Variants in ZFHX3 observed in about 807,000 individuals in gnomAD.
ZFHX3 encodes zinc finger homeobox protein 3.
Under a neutral mutation model 279.1 loss-of-function variants are expected in ZFHX3, and 42 were observed. The observed-to-expected ratio is 0.15, with a 90% CI of 0.12 to 0.19. The LOEUF is 0.19. ZFHX3 is among the 10% of genes least tolerant of loss of function. The pLI is 1.00. For synonymous variants in ZFHX3, 2,293 were observed against 1,957.8 expected (o/e 1.17, Z -4.52); for missense variants, 4,981 against 4,754.0 (o/e 1.05, Z -1.40).
intron 2 of ZFHX3, among the ~76,000 whole-genome samples, chr16:73,654,273 T>C (rs2052700753): frequency 6.6e-6 from 1 of 151,984 alleles, no homozygotes; most frequent in South Asian, 2.1e-4. Flanking sequence ...TTAACAAAAT[T>C]GGCTAGATAC....
At chr16:73,106,764 T>C (rs566370709) in intron 7 of ZFHX3, among the ~76,000 whole-genome samples, 6 of 152,304 alleles carry the variant, frequency 3.9e-5, no homozygotes, top group African/African-American at 1.4e-4. Flanking sequence ...AAAACATTTG[T>C]CAACTATCAA....
At chr16:73,008,926 GT>G (rs1369081231) in intron 1 of ZFHX3, among the ~76,000 whole-genome samples, 1 of 151,870 alleles carries the variant, frequency 6.6e-6, no homozygotes, top group East Asian at 1.9e-4. Flanking sequence ...GTGTGTGTGT[GT>G]GTGTGTGTGT....
chr16:73,539,646 A>G (rs1290591888), intron 2 of ZFHX3, among the ~76,000 whole-genome samples: 1 of 151,954 alleles, frequency 6.6e-6, no homozygotes, highest in East Asian at 1.9e-4. Context: ...ATAAAAGAAG[A>G]AGGGCGCACA....
At chr16:73,071,658 C>G (rs1965828782) in intron 8 of ZFHX3, among the ~76,000 whole-genome samples, 1 of 152,218 alleles carries the variant, frequency 6.6e-6, no homozygotes, top group Non-Finnish European at 1.5e-5. Context: ...TAGGAAGAAC[C>G]AGCAGGCAGG....
chr16:73,680,307 G>A (rs1448166926), intron 1 of ZFHX3: 2 of 152,040 alleles, frequency 1.3e-5, no homozygotes, highest in Admixed American at 6.6e-5. Flanking sequence ...ATGATCAAAG[G>A]CAATTGAAAA....
At chr16:73,766,826 C>G (rs1369435981) in intron 1 of ZFHX3, among the ~76,000 whole-genome samples, 1 of 151,946 alleles carries the variant, frequency 6.6e-6, no homozygotes, top group Non-Finnish European at 1.5e-5. Flanking sequence ...ATGATCTGAT[C>G]TGAGAAAAGT....
chr16:72,925,231 C>A (rs1196636481), intron 3 of ZFHX3, among the ~76,000 whole-genome samples: 2 of 152,246 alleles, frequency 1.3e-5, no homozygotes, highest in Non-Finnish European at 2.9e-5. Flanking sequence ...TCTTCCCCCA[C>A]TTCCCAGAAG....
chr16:73,856,249 G>A (rs1434224685), intron 1 of ZFHX3, among the ~76,000 whole-genome samples: 1 of 152,050 alleles, frequency 6.6e-6, no homozygotes, highest in Non-Finnish European at 1.5e-5. Context: ...TATTTTGTGT[G>A]CTATTCCATA....
At chr16:73,766,335 C>T (rs765900726) in intron 1 of ZFHX3, among the ~76,000 whole-genome samples, 18 of 152,094 alleles carry the variant, frequency 1.2e-4, no homozygotes, top group East Asian at 1.9e-4. Flanking sequence ...GTTTCTTCTG[C>T]GAAATAAATG....
chr16:73,436,656 A>T (rs1437337750), intron 3 of ZFHX3, among the ~76,000 whole-genome samples: 1 of 152,024 alleles, frequency 6.6e-6, no homozygotes, highest in Non-Finnish European at 1.5e-5. Flanking sequence ...CAGGGTTATC[A>T]AGAAGCCATG....
At chr16:73,781,789 C>T (rs1032243590) in intron 1 of ZFHX3, among the ~76,000 whole-genome samples, 2 of 152,080 alleles carry the variant, frequency 1.3e-5, no homozygotes, top group Admixed American at 1.3e-4. Context: ...GAGTTTGAGA[C>T]CAGCCTGACC....
intron 3 of ZFHX3, among the ~76,000 whole-genome samples, chr16:73,416,693 G>A (rs916477026): frequency 2.0e-5 from 3 of 152,044 alleles, no homozygotes; most frequent in African/African-American, 7.2e-5. Context: ...CTAACATGGT[G>A]AAACCCCCGT....
intron 7 of ZFHX3, among the ~76,000 whole-genome samples, chr16:73,098,300 C>G (rs1362046239): frequency 6.6e-6 from 1 of 152,118 alleles, no homozygotes; most frequent in East Asian, 1.9e-4. Context: ...GAACTCCTGA[C>G]CTCGTGATCC....
intron 3 of ZFHX3, among the ~76,000 whole-genome samples, chr16:72,945,303 C>A (rs1227627075): frequency 6.6e-6 from 1 of 152,134 alleles, no homozygotes; most frequent in African/African-American, 2.4e-5. Context: ...ACAAGCCCTG[C>A]CCCCCAAACT....
At chr16:73,340,519 G>C (rs1178564068) in intron 3 of ZFHX3, among the ~76,000 whole-genome samples, 1 of 152,190 alleles carries the variant, frequency 6.6e-6, no homozygotes, top group Non-Finnish European at 1.5e-5. Flanking sequence ...ATCACGTCCA[G>C]CTACTTTGGT....
intron 1 of ZFHX3, among the ~76,000 whole-genome samples, chr16:73,017,775 C>T (rs898142976): frequency 6.6e-6 from 1 of 152,142 alleles, no homozygotes; most frequent in African/African-American, 2.4e-5. Context: ...ACTGCTCTCT[C>T]TGGACTAGGG....
At chr16:73,173,758 C>T (rs572846571) in intron 5 of ZFHX3, among the ~76,000 whole-genome samples, 1 of 152,244 alleles carries the variant, frequency 6.6e-6, no homozygotes, top group Non-Finnish European at 1.5e-5. Flanking sequence ...GCCAAAGTCA[C>T]AAGATAGCCA....
At chr16:73,421,651 C>T (rs909657090) in intron 3 of ZFHX3, among the ~76,000 whole-genome samples, 1 of 152,134 alleles carries the variant, frequency 6.6e-6, no homozygotes, top group Non-Finnish European at 1.5e-5. Context: ...AAACTGTCAT[C>T]TTTGTGGAGC....
chr16:73,581,295 T>C (rs982312482), intron 2 of ZFHX3, among the ~76,000 whole-genome samples: 1 of 151,842 alleles, frequency 6.6e-6, no homozygotes, highest in African/African-American at 2.4e-5. Context: ...ATATATGATT[T>C]CATATGAAAT....
Sources: allele counts gnomAD v4.1 joint callset (sites outside exome capture counted in the v4.1 genomes callset), GRCh38; gene constraint gnomAD v4.1.1; transcripts MANE v1.5; gene names NCBI Gene and HGNC (gene_info 2026-07-23, HGNC 2026-07-21).